Variants in DPP10 observed in about 807,000 individuals in gnomAD.
DPP10 encodes inactive dipeptidyl peptidase 10.
Under a neutral mutation model 120.9 loss-of-function variants are expected in DPP10, and 33 were observed. The observed-to-expected ratio is 0.27, with a 90% CI of 0.21 to 0.37. The LOEUF (loss-of-function observed/expected upper bound fraction) is 0.37. Among genes scored for constraint, DPP10 ranks in the 10% least tolerant of loss-of-function variants. The pLI is 1.00. For synonymous variants in DPP10, 337 were observed against 326.1 expected, an observed-to-expected ratio of 1.03 and a Z score of -0.36; for missense variants, 816 against 942.8, an observed-to-expected ratio of 0.87 and a Z score of 1.76.
At chr2:115,530,816 C>G (rs1034940644) in intron 5 of DPP10, among the ~76,000 whole-genome samples, 1 of 152,110 alleles carries the variant, frequency 6.6e-6, no homozygotes, top group African/African-American at 2.4e-5. Context: ...TGCAGAAACT[C>G]TGATTTAATT....
chr2:114,459,606 A>G (rs1678762568), intron 1 of DPP10, among the ~76,000 whole-genome samples: 1 of 152,130 alleles, frequency 6.6e-6, no homozygotes, highest in Non-Finnish European at 1.5e-5. Context: ...CCTCTGTATT[A>G]CAAGAGGCCT....
At chr2:114,841,251 G>A (rs75693554) in intron 1 of DPP10, among the ~76,000 whole-genome samples, 2 of 152,150 alleles carry the variant, frequency 1.3e-5, no homozygotes, top group East Asian at 3.9e-4. Context: ...GTTTGTAGAT[G>A]TATTCTCAGA....
intron 10 of DPP10, among the ~76,000 whole-genome samples, chr2:115,750,510 A>G (rs928778183): frequency 1.3e-5 from 2 of 152,174 alleles, no homozygotes; most frequent in African/African-American, 4.8e-5. Context: ...ACCATGTGCA[A>G]GGTCATTCTT....
chr2:115,386,139 T>C (rs1165026515), intron 3 of DPP10, among the ~76,000 whole-genome samples: 1 of 152,180 alleles, frequency 6.6e-6, no homozygotes, highest in African/African-American at 2.4e-5. Flanking sequence ...ACAAACTTTA[T>C]AAAGGAGGAA....
intron 1 of DPP10, among the ~76,000 whole-genome samples, chr2:114,499,668 G>T (rs974327064): frequency 6.6e-6 from 1 of 151,978 alleles, no homozygotes; most frequent in Non-Finnish European, 1.5e-5. Flanking sequence ...GTGTCTGGTA[G>T]TAATCCCAGG....
chr2:115,070,808 T>C (rs1315580831), intron 1 of DPP10, among the ~76,000 whole-genome samples: 1 of 152,176 alleles, frequency 6.6e-6, no homozygotes, highest in Non-Finnish European at 1.5e-5. Flanking sequence ...TGGTTCTCCT[T>C]GACTCCCTGA....
intron 5 of DPP10, among the ~76,000 whole-genome samples, chr2:115,627,359 G>C (rs544752861): frequency 2.0e-4 from 30 of 152,070 alleles, no homozygotes; most frequent in Non-Finnish European, 4.0e-4. Flanking sequence ...TCTCAGCTAG[G>C]GGAGGAGAGC....
At chr2:115,606,450 T>C (rs1443974104) in intron 5 of DPP10, among the ~76,000 whole-genome samples, 1 of 152,214 alleles carries the variant, frequency 6.6e-6, no homozygotes, top group Non-Finnish European at 1.5e-5. Flanking sequence ...CACTTCATCC[T>C]GTGTAACTTG....
chr2:115,548,579 A>G (rs2079660098), intron 5 of DPP10, among the ~76,000 whole-genome samples: 1 of 152,124 alleles, frequency 6.6e-6, no homozygotes, highest in South Asian at 2.1e-4. Flanking sequence ...ACAGATTTCA[A>G]GACCCATTAT....
intron 1 of DPP10, among the ~76,000 whole-genome samples, chr2:114,700,982 C>T (rs771177541): frequency 6.6e-6 from 1 of 151,950 alleles, no homozygotes. Flanking sequence ...CAATAGAGAA[C>T]GTGTAGGAGC....
chr2:115,233,090 G>A (rs1188042790), intron 1 of DPP10, among the ~76,000 whole-genome samples: 1 of 112,330 alleles, frequency 8.9e-6, no homozygotes, highest in African/African-American at 3.7e-5. Flanking sequence ...TAAAGTGACA[G>A]CAAATTAGTG....
intron 1 of DPP10, among the ~76,000 whole-genome samples, chr2:115,057,158 T>A (rs1293721027): frequency 1.3e-5 from 2 of 152,210 alleles, no homozygotes; most frequent in Non-Finnish European, 2.9e-5. Flanking sequence ...CTCAGCCCTT[T>A]CTTAACTCTC....
chr2:114,852,186 C>T (rs1012845981), intron 1 of DPP10, among the ~76,000 whole-genome samples: 1 of 87,808 alleles, frequency 1.1e-5, no homozygotes, highest in Admixed American at 1.7e-4. Flanking sequence ...TCATAAAATG[C>T]CTTGCCTACA....
chr2:114,977,615 C>T (rs1699834980), intron 1 of DPP10, among the ~76,000 whole-genome samples: 1 of 152,048 alleles, frequency 6.6e-6, no homozygotes. Context: ...CCACACCTGT[C>T]CCCCACCTCA....
chr2:114,674,576 C>A (rs759697949), intron 1 of DPP10, among the ~76,000 whole-genome samples: 1 of 152,144 alleles, frequency 6.6e-6, no homozygotes, highest in Non-Finnish European at 1.5e-5. Flanking sequence ...TGCAATGTAG[C>A]TTTTAAACTT....
Position 114,700,636 on chromosome 2 carries a change from C to T in DPP10, c.60+257798C>T, listed in dbSNP as rs560762840. On this transcript the variant is annotated intron_variant, in intron 1 of 25. Coordinates refer to ENST00000410059, the MANE Select transcript of DPP10 (RefSeq NM_020868.6). Reference sequence around the variant, plus strand: ...TGTCATGCCTCGGGTTATTTGACCACGTCACTTCCTCTGCCTCTTCTGCCT... The same window carrying T: ...TGTCATGCCTCGGGTTATTTGACCATGTCACTTCCTCTGCCTCTTCTGCCT... Among the ~76,000 whole-genome samples, 10 of 152,168 alleles carry T rather than the reference C, an allele frequency of 6.6e-5. 1 individual carries two copies. The highest frequency in any genetic ancestry group is 5.9e-4 in the Admixed American group (9 of 15,264).
At position 114,568,023 on chromosome 2, in the gene DPP10, A is replaced by T. The variant is rs80133355; in HGVS notation, c.60+125185A>T. Among the ~76,000 whole-genome samples the T allele has an allele frequency of 1.7e-3, 256 of 147,718 alleles. 2 individuals are homozygous for T. The East Asian group carries it at 0.035, about 20-fold the overall frequency. ...CACATGTACCCTGGAACTTAAAATT[A>T]AAAAAAAAGAGAGAGAGAGATACTG... On this transcript the variant is annotated intron_variant, in intron 1 of 25. Coordinates refer to ENST00000410059, the MANE Select transcript of DPP10 (RefSeq NM_020868.6).
intron 1 of DPP10, among the ~76,000 whole-genome samples, chr2:114,445,548 G>C (rs1432535278): frequency 6.9e-6 from 1 of 144,608 alleles, no homozygotes; most frequent in African/African-American, 2.8e-5. Context: ...GTGTGTGTGT[G>C]TGTGTGTGTG....
intron 1 of DPP10, among the ~76,000 whole-genome samples, chr2:114,982,144 T>C (rs1334483507): frequency 1.3e-5 from 2 of 152,050 alleles, no homozygotes; most frequent in Non-Finnish European, 2.9e-5. Context: ...GATCCTGTTC[T>C]GTCCTGTAAA....
Sources: allele counts gnomAD v4.1 joint callset (sites outside exome capture counted in the v4.1 genomes callset), GRCh38; gene constraint gnomAD v4.1.1; transcripts MANE v1.5; gene names NCBI Gene and HGNC (gene_info 2026-07-23, HGNC 2026-07-21).